ZC3H18: variants seen among roughly 807,000 people sequenced by gnomAD.
ZC3H18 encodes zinc finger CCCH domain-containing protein 18.
ZC3H18 carries 8 observed loss-of-function variants against 106.1 expected under a neutral mutation model. The observed-to-expected ratio is 0.08, with a 90% confidence interval of 0.04 to 0.14. The LOEUF (loss-of-function observed/expected upper bound fraction) is 0.14, where lower values mean the gene tolerates loss of function less well. Among genes scored for constraint, ZC3H18 ranks in the 10% least tolerant of loss-of-function variants. ZC3H18 has a pLI of 1.00. For missense variants in ZC3H18, 1,318 were observed against 1,278.4 expected, an observed-to-expected ratio of 1.03 and a Z score of -0.47; for synonymous variants, 635 against 522.1, an observed-to-expected ratio of 1.22 and a Z score of -2.95.
chr16:88,624,878 C>T (rs1906204520), intron 12 of ZC3H18, 133 bp downstream of exon 12: 2 of 1,313,468 alleles, frequency 1.5e-6, no homozygotes, highest in African/African-American at 1.5e-5. Context: ...CCGAGCAGCA[C>T]CCAGTGAGCC....
At chr16:88,584,028 AT>A (rs1194332437) in intron 2 of ZC3H18, among the ~76,000 whole-genome samples, 1 of 152,156 alleles carries the variant, frequency 6.6e-6, no homozygotes, top group Non-Finnish European at 1.5e-5. Flanking sequence ...ATATTCTAAA[AT>A]TTAAGAACTT....
At chr16:88,583,470 G>C (rs973550444) in intron 2 of ZC3H18, among the ~76,000 whole-genome samples, 1 of 152,224 alleles carries the variant, frequency 6.6e-6, no homozygotes, top group Non-Finnish European at 1.5e-5. Flanking sequence ...GGGAAGGCGA[G>C]CTTTGCAGAT....
intron 9 of ZC3H18, chr16:88,622,824 G>A (rs1721569367): frequency 3.3e-6 from 1 of 307,348 alleles, no homozygotes; most frequent in Admixed American, 4.9e-5. Flanking sequence ...GGGGGCCGGG[G>A]TAGACCCCAT....
At chr16:88,571,662 A>T (rs1914416134) in intron 1 of ZC3H18, 1 of 985,348 alleles carries the variant, frequency 1.0e-6, no homozygotes, top group Non-Finnish European at 1.2e-6. Flanking sequence ...GTCACTCCAG[A>T]AAGCAAACAG....
At chr16:88,584,204 C>T (rs1230593347) in intron 2 of ZC3H18, among the ~76,000 whole-genome samples, 2 of 152,122 alleles carry the variant, frequency 1.3e-5, no homozygotes, top group South Asian at 2.1e-4. Context: ...GGCAGATCAC[C>T]TGAGGTCAGG....
At chr16:88,595,664 G>A (rs557772778) in intron 3 of ZC3H18, among the ~76,000 whole-genome samples, 4 of 151,410 alleles carry the variant, frequency 2.6e-5, no homozygotes, top group African/African-American at 7.3e-5. Flanking sequence ...AAAATTAGCC[G>A]GGCTTGGTGG....
At chr16:88,591,410 T>G (rs1031540276) in intron 3 of ZC3H18, among the ~76,000 whole-genome samples, 4 of 152,224 alleles carry the variant, frequency 2.6e-5, no homozygotes, top group Admixed American at 2.6e-4. Flanking sequence ...CTGTCTCTAC[T>G]AAAAATACAA....
At chr16:88,610,050 A>G (rs1905201443) in intron 7 of ZC3H18, among the ~76,000 whole-genome samples, 2 of 151,876 alleles carry the variant, frequency 1.3e-5, no homozygotes, top group African/African-American at 2.4e-5. Context: ...CACTTCAGCC[A>G]GCTTGTTAAG....
chr16:88,590,611 G>T (rs1233859419), intron 3 of ZC3H18, among the ~76,000 whole-genome samples: 1 of 120,934 alleles, frequency 8.3e-6, no homozygotes, highest in Non-Finnish European at 1.6e-5. Flanking sequence ...CACCCGGGCT[G>T]GAGTGCAATG....
intron 11 of ZC3H18, 127 bp downstream of exon 11, chr16:88,624,189 C>A (rs1906148388): frequency 7.5e-7 from 1 of 1,339,786 alleles, no homozygotes; most frequent in South Asian, 1.4e-5. Flanking sequence ...GGGGGCTGGC[C>A]CCAGGGGGTG....
At chr16:88,620,939 C>G (rs1422512184) in intron 8 of ZC3H18, among the ~76,000 whole-genome samples, 1 of 152,238 alleles carries the variant, frequency 6.6e-6, no homozygotes, top group Non-Finnish European at 1.5e-5. Flanking sequence ...AGTCTCAGCT[C>G]ACTGCAATCT....
At chr16:88,603,451 T>C (rs1166146491) in intron 6 of ZC3H18, among the ~76,000 whole-genome samples, 1 of 151,104 alleles carries the variant, frequency 6.6e-6, no homozygotes, top group African/African-American at 2.4e-5. Flanking sequence ...TGAAACCCCA[T>C]CTCTACTAAA....
At position 88,599,853 on chromosome 16, in the gene ZC3H18, G is replaced by C; in HGVS notation, c.993G>C (p.Thr331=). 6.2e-7 allele frequency: 1 copy of C among 1,614,172 alleles called. No individual in the cohort carries two copies. The highest frequency in any genetic ancestry group is 8.5e-7 in the Non-Finnish European group (1 of 1,180,038). ...CTGATTTTGAAGAGAAAAGGTTTAC[G>C]GTGACCATTGGCGAAGACGAACGGG... ...QEPDFEEKRF[T]VTIGEDEREF... Residue 331 remains threonine, a synonymous_variant, in exon 6 of 18, where the codon ACG becomes ACC. Transcript: ENST00000301011.
chr16:88,571,607 G>T, intron 1 of ZC3H18: 1 of 985,422 alleles, frequency 1.0e-6, no homozygotes, highest in Non-Finnish European at 1.2e-6. Context: ...CTCCTCTCCC[G>T]TTGTAGGTGG....
At chr16:88,602,808 T>C (rs4782377) in intron 6 of ZC3H18, among the ~76,000 whole-genome samples, 51,870 of 152,032 alleles carry the variant, frequency 0.34, 9,512 homozygotes, top group Middle Eastern at 0.45. Flanking sequence ...CCACCTGATG[T>C]TGAGTTTTGC....
intron 2 of ZC3H18, among the ~76,000 whole-genome samples, chr16:88,581,238 G>C (rs928310023): frequency 1.3e-5 from 2 of 152,230 alleles, no homozygotes; most frequent in African/African-American, 4.8e-5. Context: ...TTGGCCTCAA[G>C]TGATCCTCCT....
rs577811834 is a variant in ZC3H18 at position 88,577,288 on chromosome 16, C to A, written c.165C>A (p.Ala55=). ...ASDLEDEESA[A]RGPSQEEEDN... ...ATCTGGAGGATGAGGAAAGTGCAGCCAGGGGGCCGAGCCAGGAGGAGGAAG... is the reference window on the plus strand; with the variant it reads ...ATCTGGAGGATGAGGAAAGTGCAGCAAGGGGGCCGAGCCAGGAGGAGGAAG... Residue 55 remains alanine, a synonymous_variant, in exon 2 of 18, where the codon GCC becomes GCA. Coordinates refer to ENST00000301011, the MANE Select transcript of ZC3H18 (RefSeq NM_144604.4). The A allele has an allele frequency of 2.1e-5, 34 of 1,612,892 alleles. No homozygotes were observed. In the East Asian group the frequency reaches 7.4e-4, roughly 35 times the overall value.
intron 6 of ZC3H18, among the ~76,000 whole-genome samples, chr16:88,604,407 C>T (rs998460115): frequency 6.6e-6 from 1 of 151,562 alleles, no homozygotes; most frequent in African/African-American, 2.4e-5. Flanking sequence ...GAAATGACGG[C>T]CGGGCACAGT....
At position 88,611,276 on chromosome 16, in the gene ZC3H18, G is replaced by A. The variant is rs1905255187; in HGVS notation, c.1215G>A (p.Glu405=). 1 of 773,758 alleles carries A rather than the reference G, an allele frequency of 1.3e-6. No individual in the cohort carries two copies. Among genetic ancestry groups the A allele is most frequent in the Non-Finnish European group, 2.4e-6 (1 of 414,800 alleles). 47.9% of individuals were successfully genotyped at this position (773,758 alleles called of 1,614,324 possible). The change falls in exon 8 of 18, where the codon GAG becomes GAA. Residue 405 remains glutamate (E), a synonymous_variant. Coordinates refer to ENST00000301011, the MANE Select transcript of ZC3H18 (RefSeq NM_144604.4). ...TTGGCTTTTTAACAAAGGAAAGGGAGCGGGAGCGAGAGAGAGAGAACAGAC... is the reference window on the plus strand; with the variant it reads ...TTGGCTTTTTAACAAAGGAAAGGGAACGGGAGCGAGAGAGAGAGAACAGAC... ...TEPYHNYRER[E]RERERENRQR...
Sources: gnomAD v4.1 joint callset for allele counts (sites outside exome capture counted in the v4.1 genomes callset) on GRCh38, gnomAD v4.1.1 for gene constraint, MANE v1.5 for transcripts, NCBI Gene and HGNC (gene_info 2026-07-23, HGNC 2026-07-21) for gene names.